TCF4: variants seen among roughly 807,000 people sequenced by gnomAD.
TCF4 encodes SL3-3 enhancer factor 2.
A neutral mutation model predicts 82.1 loss-of-function variants in TCF4; 3 were observed. The ratio of observed to expected loss-of-function variants is 0.04; its 90% CI spans 0.02 to 0.09. The LOEUF (loss-of-function observed/expected upper bound fraction) is 0.09. TCF4 is among the 10% of genes least tolerant of loss of function. The probability of loss-of-function intolerance (pLI) is 1.00; values close to 1 mark genes in which losing one functional copy is unlikely to be tolerated. For synonymous variants in TCF4, 276 were observed against 309.6 expected, an observed-to-expected ratio of 0.89 and a Z score of 1.14; for missense variants, 518 against 852.7, an observed-to-expected ratio of 0.61 and a Z score of 4.89.
intron 2 of TCF4, among the ~76,000 whole-genome samples, chr18:55,621,610 A>G (rs1430176387): frequency 1.1e-5 from 1 of 91,912 alleles, no homozygotes. Flanking sequence ...TATGTACATT[A>G]TATAATATTA....
intron 3 of TCF4, among the ~76,000 whole-genome samples, chr18:55,525,820 C>T (rs1483199402): frequency 6.6e-6 from 1 of 152,142 alleles, no homozygotes; most frequent in Non-Finnish European, 1.5e-5. Context: ...GCTGGATATC[C>T]ATGTGGGCTT....
chr18:55,468,644 T>G lies in TCF4; in HGVS notation c.146-4507A>C, dbSNP rs531666724. ...CGTTTATTATAGGAAAGAAACATAC[T>G]TGACACAAATAACATCTTGTGTGGT... On this transcript the variant is annotated intron_variant, in intron 3 of 19. Transcript: ENST00000354452. 1.4e-4 allele frequency among the ~76,000 whole-genome samples: 22 copies of G among 152,322 alleles called. No individual in the cohort carries two copies. In the East Asian group the frequency reaches 3.5e-3, roughly 24 times the overall value.
intron 8 of TCF4, among the ~76,000 whole-genome samples, chr18:55,336,775 C>G (rs1370327305): frequency 6.6e-6 from 1 of 152,054 alleles, no homozygotes; most frequent in Non-Finnish European, 1.5e-5. Flanking sequence ...TATTAAGAAT[C>G]TTGCATTATT....
chr18:55,508,651 C>G (rs911326072), intron 3 of TCF4, among the ~76,000 whole-genome samples: 12 of 152,098 alleles, frequency 7.9e-5, no homozygotes, highest in African/African-American at 2.9e-4. Context: ...AGTGGTCGAG[C>G]TGAGATTTAG....
At position 55,613,837 on chromosome 18, in the gene TCF4, C is replaced by T. The variant is rs533759388; in HGVS notation, c.286+17461G>A. Among the ~76,000 whole-genome samples, 6 of 152,278 alleles carry T rather than the reference C, an allele frequency of 3.9e-5. 1 individual carries two copies. The South Asian group carries it at 6.2e-4, about 16-fold the overall frequency. ...ACATGAGATTTGGGTCGGGATACAG[C>T]GTCAAACCATAGCATATTTCACTGC... On this transcript the variant is annotated intron_variant, in intron 2 of 20. Coordinates refer to the TCF4 transcript ENST00000398339.
intron 8 of TCF4, among the ~76,000 whole-genome samples, chr18:55,316,001 T>C (rs1420886322): frequency 6.6e-6 from 1 of 152,114 alleles, no homozygotes; most frequent in Non-Finnish European, 1.5e-5. Context: ...CTTAGAGTTA[T>C]GTTTGAAGTA....
chr18:55,563,102 G>A (rs959425948), intron 3 of TCF4, among the ~76,000 whole-genome samples: 9 of 151,944 alleles, frequency 5.9e-5, no homozygotes, highest in African/African-American at 2.2e-4. Flanking sequence ...AGCCAGCTGT[G>A]GTGGTGCACT....
At chr18:55,403,602 T>C (rs746513210) in intron 5 of TCF4, 84 bp from the exon 6 acceptor site, 31 of 1,612,844 alleles carry the variant, frequency 1.9e-5, no homozygotes, top group African/African-American at 2.7e-5. Context: ...TCTACTGCTC[T>C]TCCCCGATGT....
At chr18:55,303,238 C>CACACACACACACACACACACCCCT (rs1555851814) in intron 8 of TCF4, among the ~76,000 whole-genome samples, 134 of 145,414 alleles carry the variant, frequency 9.2e-4, no homozygotes, top group African/African-American at 3.6e-3. Flanking sequence ...CACACACACA[C>CACACACACACACACACACACCCCT]ACACACACAC....
chr18:55,390,463 T>C (rs1263722806), intron 6 of TCF4, among the ~76,000 whole-genome samples: 2 of 151,676 alleles, frequency 1.3e-5, no homozygotes, highest in Non-Finnish European at 1.5e-5. Flanking sequence ...AGTCAGAGTT[T>C]GGTAGAATGT....
At chr18:55,446,589 A>C (rs972438921) in intron 5 of TCF4, among the ~76,000 whole-genome samples, 7 of 152,170 alleles carry the variant, frequency 4.6e-5, no homozygotes, top group African/African-American at 9.7e-5. Flanking sequence ...TCCTTTGTAA[A>C]ATGGTAATGA....
intron 3 of TCF4, among the ~76,000 whole-genome samples, chr18:55,550,031 T>C (rs768550335): frequency 2.6e-5 from 4 of 152,192 alleles, no homozygotes; most frequent in Non-Finnish European, 2.9e-5. Flanking sequence ...ATACTATTCA[T>C]TGAAGGACCA....
intron 3 of TCF4, among the ~76,000 whole-genome samples, chr18:55,578,555 A>C (rs559671499): frequency 1.4e-4 from 22 of 152,232 alleles, no homozygotes; most frequent in African/African-American, 5.3e-4. Flanking sequence ...ATTTGAATGC[A>C]AACTTTTTAT....
chr18:55,500,620 T>A (rs2096687300), intron 3 of TCF4, among the ~76,000 whole-genome samples: 1 of 152,204 alleles, frequency 6.6e-6, no homozygotes, highest in Non-Finnish European at 1.5e-5. Flanking sequence ...AAAATAGGCA[T>A]GCTCATGTTT....
chr18:55,520,834 G>A (rs2096926976), intron 3 of TCF4, among the ~76,000 whole-genome samples: 1 of 152,170 alleles, frequency 6.6e-6, no homozygotes, highest in South Asian at 2.1e-4. Context: ...CCTATTACCA[G>A]TTAACCATAA....
At chr18:55,594,527 C>G (rs561048970) in intron 2 of TCF4, among the ~76,000 whole-genome samples, 13 of 152,210 alleles carry the variant, frequency 8.5e-5, no homozygotes, top group Admixed American at 3.3e-4. Flanking sequence ...CACACTTTAC[C>G]CTAAAAAGTG....
rs562756422 is a variant in TCF4, at chr18:55,483,497, C to G, written c.146-19360G>C. Among the ~76,000 whole-genome samples, 9 of 152,328 alleles carry G rather than the reference C, an allele frequency of 5.9e-5. No homozygotes were observed. The East Asian group carries it at 1.7e-3, about 29-fold the overall frequency. On this transcript the variant is annotated intron_variant, in intron 3 of 19. Coordinates refer to ENST00000354452, the MANE Select transcript of TCF4 (RefSeq NM_001083962.2). ...CACATGACCAGATGGAGTTAATGTA[C>G]AAGTCTCAAGCTCAGTGATTTCTAT...
intron 3 of TCF4, among the ~76,000 whole-genome samples, chr18:55,515,048 A>G (rs2096867669): frequency 6.6e-6 from 1 of 152,196 alleles, no homozygotes; most frequent in Non-Finnish European, 1.5e-5. Context: ...AAATAACTTC[A>G]GCAAGATTAG....
intron 8 of TCF4, among the ~76,000 whole-genome samples, chr18:55,284,563 T>C (rs1463414976): frequency 6.6e-6 from 1 of 152,212 alleles, no homozygotes; most frequent in Non-Finnish European, 1.5e-5. Context: ...CCATGTGTGG[T>C]TGGGTGGTAG....
Sources: allele counts gnomAD v4.1 joint callset (sites outside exome capture counted in the v4.1 genomes callset), GRCh38; gene constraint gnomAD v4.1.1; transcripts MANE v1.5; gene names NCBI Gene and HGNC (gene_info 2026-07-23, HGNC 2026-07-21).